TAF3: variants seen among roughly 807,000 people sequenced by gnomAD.
TAF3 encodes transcription initiation factor TFIID subunit 3.
Under a neutral mutation model 80.6 loss-of-function variants are expected in TAF3, and 7 were observed. The observed-to-expected ratio is 0.09, with a 90% CI of 0.05 to 0.16. The LOEUF (loss-of-function observed/expected upper bound fraction) is 0.16. Ranked by LOEUF, TAF3 falls within the 10% of genes least tolerant of loss-of-function variation. The pLI, the probability that TAF3 is intolerant of heterozygous loss-of-function variation, is 1.00. For missense variants in TAF3, 921 were observed against 1,140.2 expected, an observed-to-expected ratio of 0.81 and a Z score of 2.77; for synonymous variants, 444 against 446.1, an observed-to-expected ratio of 1.00 and a Z score of 0.06.
intron 2 of TAF3, among the ~76,000 whole-genome samples, chr10:7,933,889 AT>A (rs761098468): frequency 2.0e-5 from 3 of 152,306 alleles, no homozygotes; most frequent in Non-Finnish European, 4.4e-5. Context: ...TTTCCCCCCG[AT>A]TTTAGCATTT....
intron 2 of TAF3, among the ~76,000 whole-genome samples, chr10:7,843,861 A>G (rs1382845053): frequency 6.6e-6 from 1 of 151,922 alleles, no homozygotes; most frequent in East Asian, 1.9e-4. Flanking sequence ...AAATTTTATC[A>G]TCCATTTTAC....
chr10:7,948,126 G>A (rs560429377), intron 2 of TAF3, among the ~76,000 whole-genome samples: 2 of 151,196 alleles, frequency 1.3e-5, no homozygotes, highest in South Asian at 2.1e-4. Flanking sequence ...GCAGTGGTAC[G>A]AACATAGTTC....
chr10:7,991,236 A>T (rs1258554257), intron 4 of TAF3, among the ~76,000 whole-genome samples: 2 of 152,056 alleles, frequency 1.3e-5, no homozygotes, highest in Non-Finnish European at 2.9e-5. Context: ...TGTATATATA[A>T]TAAGTGTGTA....
intron 2 of TAF3, among the ~76,000 whole-genome samples, chr10:7,840,633 G>A (rs1836903234): frequency 6.6e-6 from 1 of 151,966 alleles, no homozygotes; most frequent in Non-Finnish European, 1.5e-5. Flanking sequence ...GTGTGTGAGG[G>A]GAAGACGGGA....
At chr10:7,931,437 G>C (rs950321751) in intron 2 of TAF3, among the ~76,000 whole-genome samples, 2 of 151,948 alleles carry the variant, frequency 1.3e-5, no homozygotes, top group Admixed American at 1.3e-4. Flanking sequence ...GATTTTCCAT[G>C]GATACTTGAA....
Position 7,964,470 on chromosome 10 carries a change from T to TCCCAAGAGC in TAF3, c.967_975dup (p.Ser323_Lys325dup). On this transcript the variant is annotated inframe_insertion, in exon 3 of 7. Transcript: ENST00000344293. This position sits in a 1 kb window ranked among gnomAD's most constrained non-coding sequence, Gnocchi z 4.1. ...CTGGACGTTCCAAGAGCCCCAAGAG[T>TCCCAAGAGC]CCCAAGAGCCCCAAGGTCACGACTC... The TCCCAAGAGC allele has an allele frequency of 6.2e-7, 1 of 1,612,858 alleles. No individual in the cohort carries two copies. Among genetic ancestry groups the TCCCAAGAGC allele is most frequent in the East Asian group, 2.2e-5 (1 of 44,840 alleles).
At chr10:7,887,441 TAC>T (rs1205928770) in intron 2 of TAF3, among the ~76,000 whole-genome samples, 3 of 152,194 alleles carry the variant, frequency 2.0e-5, no homozygotes, top group Non-Finnish European at 4.4e-5. Context: ...GCTTTATCCT[TAC>T]CATCGAGAGA....
At chr10:7,849,021 G>C (rs1438653263) in intron 2 of TAF3, among the ~76,000 whole-genome samples, 2 of 152,114 alleles carry the variant, frequency 1.3e-5, no homozygotes, top group Admixed American at 1.3e-4. Context: ...AAAACATGGT[G>C]AGTTTATATC....
chr10:7,912,804 A>G (rs115560733), intron 2 of TAF3, among the ~76,000 whole-genome samples: 1,733 of 152,188 alleles, frequency 0.011, 33 homozygotes, highest in African/African-American at 0.039. Context: ...GGCTGTAGAA[A>G]CGCTGTTTGG....
intron 2 of TAF3, among the ~76,000 whole-genome samples, chr10:7,879,132 T>G (rs562943321): frequency 6.6e-6 from 1 of 152,228 alleles, no homozygotes; most frequent in South Asian, 2.1e-4. Context: ...ATGTTTAATA[T>G]GGCCATGTTT....
chr10:7,965,158 A>C lies in TAF3; in HGVS notation c.1648A>C (p.Lys550Gln). 1 of 1,610,908 alleles carries C rather than the reference A, an allele frequency of 6.2e-7. No homozygotes were observed. Among genetic ancestry groups the C allele is most frequent in the South Asian group, 1.1e-5 (1 of 90,290 alleles). The change falls in exon 3 of 7, where the codon AAG becomes CAG. Residue 550 changes from lysine (K) to glutamine (Q), a missense_variant. Lys to Gln is a moderately conservative substitution (Grantham distance 53). Around this residue, in one of 6 missense-constraint regions of TAF3, gnomAD observed 743 missense variants for 821.0 expected, o/e 0.90. Transcript: ENST00000344293. ...TAGGGAGAGGGAAAAAGACAAGAAC[A>C]AGGACAAAAGTAAGGAGAAGGATAA... is the stretch of plus-strand genomic sequence containing the variant. ...RDREREKDKNKDKSKEKDKVK... is the reference protein window; with the variant it reads ...RDREREKDKNQDKSKEKDKVK...
At chr10:7,995,787 TTCAGGAATTAAATCCA>T (rs1346261345) in intron 4 of TAF3, among the ~76,000 whole-genome samples, 2 of 152,234 alleles carry the variant, frequency 1.3e-5, no homozygotes, top group South Asian at 2.1e-4. Flanking sequence ...GGCCACGAGC[TTCAGGAATTAAATCCA>T]TTTATAGTTG....
chr10:7,953,145 A>G (rs1358581841), intron 2 of TAF3, among the ~76,000 whole-genome samples: 1 of 152,128 alleles, frequency 6.6e-6, no homozygotes, highest in African/African-American at 2.4e-5. Flanking sequence ...ACACTCACCT[A>G]ATCCTCAACA....
chr10:7,906,812 G>A (rs1039330800), intron 2 of TAF3, among the ~76,000 whole-genome samples: 3 of 150,840 alleles, frequency 2.0e-5, no homozygotes, highest in African/African-American at 7.3e-5. Context: ...CAAACTCCAG[G>A]GCTCAACTGA....
Position 7,871,435 on chromosome 10 carries a change from C to CTTTTTTTTTTTTTTTTTTTTTTTTTTTTT in TAF3, c.409+46900_409+46901insTTTTTTTTTTTTTTTTTTTTTTTTTTTTT, listed in dbSNP as rs527356726. ...CTAAATTGATGACAAATAACTGCTG[C>CTTTTTTTTTTTTTTTTTTTTTTTTTTTTT]TTTTTTTTTTTTTTTTTTTTTTTTT... On this transcript the variant is annotated intron_variant, in intron 2 of 6. Coordinates refer to ENST00000344293, the MANE Select transcript of TAF3 (RefSeq NM_031923.4). 1.4e-3 allele frequency among the ~76,000 whole-genome samples: 97 copies of CTTTTTTTTTTTTTTTTTTTTTTTTTTTTT among 69,102 alleles called. 7 individuals are homozygous for CTTTTTTTTTTTTTTTTTTTTTTTTTTTTT. The highest frequency in any genetic ancestry group is 1.8e-3 in the Admixed American group (8 of 4,420). 45.3% of individuals were successfully genotyped at this position (69,102 alleles called of 152,430 possible). A position where few individuals can be genotyped will look rare whatever the true frequency, so the allele number is the denominator to read the frequency against.
chr10:7,920,160 G>A (rs1837748656), intron 2 of TAF3, among the ~76,000 whole-genome samples: 2 of 152,030 alleles, frequency 1.3e-5, no homozygotes, highest in Admixed American at 1.3e-4. Context: ...GGCTGAAATG[G>A]GAGGATCTCT....
Position 7,998,758 on chromosome 10 carries a change from GAA to G in TAF3, c.2316-10319_2316-10318del, listed in dbSNP as rs1831914539. On this transcript the variant is annotated intron_variant, in intron 4 of 6. Coordinates refer to ENST00000344293, the MANE Select transcript of TAF3 (RefSeq NM_031923.4). ...GGAGGCTGAGGCAGGAGAATTGCTT[GAA>G]CCCAGGAGGTGGAGGTTGCAGTGAG... 1.3e-5 allele frequency among the ~76,000 whole-genome samples: 2 copies of G among 151,708 alleles called. 1 individual carries two copies.
At position 7,818,547 on chromosome 10, in the gene TAF3, G is replaced by C; in HGVS notation, c.-163G>C. ...GTCCAAAATGGCGGCTCTCAGGCTG[G>C]CGCGCTCCGTGCTGCTGGGGCTTTG... On this transcript the variant is annotated 5_prime_UTR_variant, in exon 1 of 7. Transcript: ENST00000344293. 4 of 673,004 alleles carry C rather than the reference G, an allele frequency of 5.9e-6. No individual in the cohort carries two copies. In the South Asian group the frequency reaches 7.5e-5, roughly 13 times the overall value. 41.7% of individuals were successfully genotyped at this position (673,004 alleles called of 1,614,324 possible). A position where few individuals can be genotyped will look rare whatever the true frequency, so the allele number is the denominator to read the frequency against.
intron 2 of TAF3, among the ~76,000 whole-genome samples, chr10:7,921,475 A>G (rs1837761294): frequency 1.3e-5 from 2 of 152,124 alleles, no homozygotes; most frequent in Admixed American, 6.5e-5. Flanking sequence ...TTCAAACTTC[A>G]GGTCATGACC....
Sources: allele counts gnomAD v4.1 joint callset (sites outside exome capture counted in the v4.1 genomes callset), GRCh38; gene constraint gnomAD v4.1.1; regional missense constraint gnomAD v4.1.1; non-coding constraint Gnocchi (gnomAD v3.1); transcripts MANE v1.5; gene names NCBI Gene and HGNC (gene_info 2026-07-23, HGNC 2026-07-21).